PRELID1: variants seen among roughly 807,000 people sequenced by gnomAD.
The protein encoded by PRELID1 is PRELI domain-containing protein 1, mitochondrial.
A neutral mutation model predicts 29.0 loss-of-function variants in PRELID1; 15 were observed. That is an observed-to-expected ratio of 0.52 (90% CI 0.35 to 0.80). The LOEUF (loss-of-function observed/expected upper bound fraction) is 0.80, where lower values mean the gene tolerates loss of function less well. PRELID1 is among the 30% of genes least tolerant of loss of function. PRELID1 has a pLI of 0.01. For synonymous variants in PRELID1, 79 were observed against 106.5 expected (o/e 0.74, Z 1.59); for missense variants, 187 against 275.9 (o/e 0.68, Z 2.28).
chr5:177,306,555 G>C lies in PRELID1; in HGVS notation c.645G>C (p.Gln215His), dbSNP rs963873066. ...SKAATKKQQQ[Q>H]QQFV ...CGGCCACCAAGAAGCAGCAGCAGCA[G>C]CAACAGTTTGTGTAGCCAGTCTACC... The change falls in exon 5 of 5, where the codon CAG becomes CAC. Residue 215 changes from glutamine to histidine, a missense_variant. Coordinates refer to ENST00000303204, the MANE Select transcript of PRELID1 (RefSeq NM_013237.4). The C allele has an allele frequency of 2.2e-5, 35 of 1,609,880 alleles. No individual in the cohort carries two copies. Among genetic ancestry groups the C allele is most frequent in the Non-Finnish European group, 3.0e-5 (35 of 1,178,434 alleles).
rs775331611 is a variant in PRELID1 at position 177,306,436 on chromosome 5, A to C, written c.526A>C (p.Lys176Gln). ...LAKLQGEAPS[K>Q]TLVETAKEAK... ...GTTCGCGACAGGCGAGGCCCCTTCC[A>C]AAACACTTGTTGAGACAGCCAAGGA... The change falls in exon 5 of 5, where the codon AAA becomes CAA. Residue 176 changes from lysine (K) to glutamine (Q), a missense_variant. Transcript: ENST00000303204. The C allele has an allele frequency of 6.2e-7, 1 of 1,614,124 alleles. No individual in the cohort carries two copies. The highest frequency in any genetic ancestry group is 8.5e-7 in the Non-Finnish European group (1 of 1,180,016).
rs927242236 is a variant in PRELID1, at chr5:177,304,072, C to G, written c.87C>G (p.Pro29=). 9 of 1,611,052 alleles carry G rather than the reference C, an allele frequency of 5.6e-6. No homozygotes were observed. In the East Asian group the frequency reaches 6.7e-5, roughly 12 times the overall value. Residue 29 remains proline (P), a synonymous_variant, in exon 1 of 5, where the codon CCC becomes CCG. Coordinates refer to ENST00000303204, the MANE Select transcript of PRELID1 (RefSeq NM_013237.4). ...CCTTCTGGCAGCGGTACCCGAATCCCTATAGGTACGTGGTATTTGGAAGAG... is the reference window on the plus strand; with the variant it reads ...CCTTCTGGCAGCGGTACCCGAATCCGTATAGGTACGTGGTATTTGGAAGAG... ...FAAFWQRYPN[P]YSKHVLTEDI...
intron 2 of PRELID1, 113 bp from the exon 3 acceptor site, chr5:177,305,758 G>A: frequency 2.3e-6 from 2 of 856,990 alleles, no homozygotes; most frequent in East Asian, 5.2e-5. Flanking sequence ...TCAGGGGAAG[G>A]AATGGATTTT....
intron 2 of PRELID1, chr5:177,305,438 C>T: frequency 4.7e-6 from 1 of 211,274 alleles, no homozygotes; most frequent in South Asian, 6.3e-5. Context: ...AACTCCTAAC[C>T]TCAAGTGATC....
rs1461464730 is a variant in PRELID1, at chr5:177,304,869, T to A, written c.318+19T>A. 3 of 1,576,272 alleles carry A rather than the reference T, an allele frequency of 1.9e-6. No homozygotes were observed. The African/African-American group carries it at 4.1e-5, about 21-fold the overall frequency. ...GCTGATGGTGAGACACCTCCTGTTG[T>A]GATTCTGCACCTCCCCCTCTCCCCT... On this transcript the variant is annotated intron_variant, in intron 2 of 4. Coordinates refer to ENST00000303204, the MANE Select transcript of PRELID1 (RefSeq NM_013237.4).
Position 177,303,897 on chromosome 5 carries a change from C to G in PRELID1, c.-89C>G, listed in dbSNP as rs2062922840. ...TACGAGCCTGGCGGCGGGTGTGCGC[C>G]GAGCCCCGGCCCGGCCCGGCCCTCG... On this transcript the variant is annotated 5_prime_UTR_variant, in exon 1 of 5. Coordinates refer to ENST00000303204, the MANE Select transcript of PRELID1 (RefSeq NM_013237.4). The surrounding 1 kb of genome is among the most constrained non-coding windows in gnomAD (Gnocchi z 6.1). The G allele has an allele frequency of 8.5e-7, 1 of 1,181,388 alleles. No individual in the cohort carries two copies. The highest frequency in any genetic ancestry group is 1.2e-6 in the Non-Finnish European group (1 of 839,996). The allele number at this position is 1,181,388 out of a possible 1,614,324, so 73.2% of individuals were successfully genotyped here. A position where few individuals can be genotyped will look rare whatever the true frequency, so the allele number is the denominator to read the frequency against.
At chr5:177,304,474 C>T in intron 1 of PRELID1, 151 bp from the exon 2 acceptor site, 1 of 755,166 alleles carries the variant, frequency 1.3e-6, no homozygotes, top group Non-Finnish European at 2.3e-6. Context: ...GGGATGGGCC[C>T]TTAACTCTGG....
In PRELID1 at chr5:177,306,463, G is replaced by A. The variant is rs1247944088; in HGVS notation, c.553G>A (p.Ala185Thr). ...SKTLVETAKE[A>T]KEKAKETALA... ...AACACTTGTTGAGACAGCCAAGGAA[G>A]CCAAGGAGAAGGCAAAGGAGACGGC... Residue 185 changes from alanine to threonine, a missense_variant, in exon 5 of 5, where the codon GCC (alanine) becomes ACC (threonine). By Grantham distance (58) the Ala-to-Thr change is moderately conservative. Coordinates refer to ENST00000303204, the MANE Select transcript of PRELID1 (RefSeq NM_013237.4). 5 of 1,614,064 alleles carry A rather than the reference G, an allele frequency of 3.1e-6. No homozygotes were observed. The highest frequency in any genetic ancestry group is 1.6e-4 in the Middle Eastern group (1 of 6,062).
chr5:177,303,926 G>T lies in PRELID1; in HGVS notation c.-60G>T. 2 of 1,484,138 alleles carry T rather than the reference G, an allele frequency of 1.3e-6. No individual in the cohort carries two copies. Among genetic ancestry groups the T allele is most frequent in the Non-Finnish European group, 9.2e-7 (1 of 1,089,782 alleles). The allele number at this position is 1,484,138 out of a possible 1,614,324, so 91.9% of individuals were successfully genotyped here. Reference sequence around the variant, plus strand: ...CCCCGGCCCGGCCCGGCCCTCGCGTGCCTCCCAGGCTCCGCACCCCTGATG... The same window carrying T: ...CCCCGGCCCGGCCCGGCCCTCGCGTTCCTCCCAGGCTCCGCACCCCTGATG... On this transcript the variant is annotated 5_prime_UTR_variant, in exon 1 of 5. Coordinates refer to ENST00000303204, the MANE Select transcript of PRELID1 (RefSeq NM_013237.4). The surrounding 1 kb of genome is among the most constrained non-coding windows in gnomAD (Gnocchi z 6.1).
rs1760798681 is a variant in PRELID1 at position 177,304,354 on chromosome 5, C to T, written c.93-271C>T. ...GGGAGGGATCTTGGAGTTGGAAATCCTATTTCTCTGCCCGTGGCGCTTTCC... is the reference window on the plus strand; with the variant it reads ...GGGAGGGATCTTGGAGTTGGAAATCTTATTTCTCTGCCCGTGGCGCTTTCC... On this transcript the variant is annotated intron_variant, in intron 1 of 4. Transcript: ENST00000303204. 21 of 600,908 alleles carry T rather than the reference C, an allele frequency of 3.5e-5. No individual in the cohort carries two copies. The South Asian group carries it at 3.9e-4, about 11-fold the overall frequency. The allele number at this position is 600,908 out of a possible 1,614,324, so 37.2% of individuals were successfully genotyped here.
intron 2 of PRELID1, among the ~76,000 whole-genome samples, chr5:177,305,063 C>T (rs1446378571): frequency 6.6e-6 from 1 of 152,190 alleles, no homozygotes. Context: ...TTGACTCATT[C>T]ATACAGTGGG....
chr5:177,306,424 G>A lies in PRELID1; in HGVS notation c.514G>A (p.Glu172Lys), dbSNP rs758980479. 34 of 1,613,780 alleles carry A rather than the reference G, an allele frequency of 2.1e-5. 1 individual carries two copies. The highest frequency in any genetic ancestry group is 1.1e-5 in the South Asian group (1 of 91,042). Reference protein sequence around the residue: ...FEYILAKLQGEAPSKTLVETA... With the variant: ...FEYILAKLQGKAPSKTLVETA... ...CAGCCACCTGCCGTTCGCGACAGGC[G>A]AGGCCCCTTCCAAAACACTTGTTGA... Residue 172 changes from glutamate (E) to lysine (K), a missense_variant and splice_region_variant, in exon 5 of 5, where the codon GAG becomes AAG. Physicochemically the swap from Glu to Lys is moderately conservative, Grantham distance 56. Coordinates refer to ENST00000303204, the MANE Select transcript of PRELID1 (RefSeq NM_013237.4).
At chr5:177,306,295 G>T (rs933300907) in intron 4 of PRELID1, 119 bp downstream of exon 4, 2 of 1,564,180 alleles carry the variant, frequency 1.3e-6, no homozygotes, top group Non-Finnish European at 1.8e-6. Flanking sequence ...TGTACTGGGG[G>T]TGGGAGGAGG....
intron 2 of PRELID1, 120 bp from the exon 3 acceptor site, chr5:177,305,751 G>A (rs1760852444): frequency 1.2e-6 from 1 of 817,756 alleles, no homozygotes; most frequent in Non-Finnish European, 2.0e-6. Context: ...GGTGCAGTCA[G>A]GGGAAGGAAT....
chr5:177,304,558 G>A, intron 1 of PRELID1, 67 bp from the exon 2 acceptor site: 1 of 1,363,510 alleles, frequency 7.3e-7, no homozygotes, highest in Admixed American at 1.8e-5. Flanking sequence ...GCCTCCAAAT[G>A]GGAATCCCCT....
Position 177,303,905 on chromosome 5 carries a change from G to C in PRELID1, c.-81G>C. On this transcript the variant is annotated 5_prime_UTR_variant, in exon 1 of 5. Transcript: ENST00000303204. This position sits in a 1 kb window ranked among gnomAD's most constrained non-coding sequence, Gnocchi z 6.1. ...TGGCGGCGGGTGTGCGCCGAGCCCC[G>C]GCCCGGCCCGGCCCTCGCGTGCCTC... 1 of 1,267,086 alleles carries C rather than the reference G, an allele frequency of 7.9e-7. No homozygotes were observed. The highest frequency in any genetic ancestry group is 1.1e-6 in the Non-Finnish European group (1 of 911,006). 78.5% of individuals were successfully genotyped at this position (1,267,086 alleles called of 1,614,324 possible).
chr5:177,304,508 C>T (rs1760803925), intron 1 of PRELID1, 117 bp from the exon 2 acceptor site: 3 of 884,252 alleles, frequency 3.4e-6, no homozygotes, highest in Admixed American at 2.0e-5. Flanking sequence ...ACATACCACC[C>T]TGCAAGGTTA....
chr5:177,304,639 C>T lies in PRELID1; in HGVS notation c.107C>T (p.Thr36Met). Residue 36 changes from threonine (T) to methionine (M), a missense_variant, in exon 2 of 5, where the codon ACG becomes ATG. Physicochemically the swap from Thr to Met is moderately conservative, Grantham distance 81. Coordinates refer to ENST00000303204, the MANE Select transcript of PRELID1 (RefSeq NM_013237.4). ...YPNPYSKHVL[T>M]EDIVHREVTP... Reference sequence around the variant, plus strand: ...GACACCTGCAGCAAACATGTCTTGACGGAAGACATAGTACACCGGGAGGTG... The same window carrying T: ...GACACCTGCAGCAAACATGTCTTGATGGAAGACATAGTACACCGGGAGGTG... The T allele has an allele frequency of 3.1e-6, 5 of 1,612,908 alleles. No homozygotes were observed. The highest frequency in any genetic ancestry group is 2.2e-5 in the East Asian group (1 of 44,868).
At chr5:177,306,225 G>A (rs1255267434) in intron 4 of PRELID1, 49 bp downstream of exon 4, 6 of 1,588,742 alleles carry the variant, frequency 3.8e-6, no homozygotes, top group South Asian at 1.1e-5. Flanking sequence ...GGCTCATTCA[G>A]CCTAGCGGGC....
Sources: allele counts gnomAD v4.1 joint callset (sites outside exome capture counted in the v4.1 genomes callset), GRCh38; gene constraint gnomAD v4.1.1; non-coding constraint Gnocchi (gnomAD v3.1); transcripts MANE v1.5; gene names NCBI Gene and HGNC (gene_info 2026-07-23, HGNC 2026-07-21).